GATAD2B: variants seen among roughly 807,000 people sequenced by gnomAD.
The protein encoded by GATAD2B is GATA zinc finger domain containing 2B.
In GATAD2B, 8 loss-of-function variants were observed where a neutral mutation model predicts 64.3. The ratio of observed to expected loss-of-function variants is 0.12; its 90% CI spans 0.07 to 0.22. The LOEUF (loss-of-function observed/expected upper bound fraction) is 0.22, where lower values mean the gene tolerates loss of function less well. GATAD2B is among the 10% of genes least tolerant of loss of function. GATAD2B has a pLI of 1.00. For missense variants in GATAD2B, 453 were observed against 752.0 expected (o/e 0.60, Z 4.65); for synonymous variants, 281 against 271.3 (o/e 1.04, Z -0.35).
chr1:153,838,002 G>A (rs548079849), intron 1 of GATAD2B, among the ~76,000 whole-genome samples: 2 of 152,152 alleles, frequency 1.3e-5, no homozygotes, highest in Admixed American at 6.5e-5. Flanking sequence ...CTCCATTCCA[G>A]TTGGAGAAGA....
intron 2 of GATAD2B, 79 bp from the exon 3 acceptor site, chr1:153,819,814 G>A: frequency 7.4e-7 from 1 of 1,346,606 alleles, no homozygotes; most frequent in Non-Finnish European, 1.0e-6. Context: ...AAAATCCAAG[G>A]GGGGCCGGGT....
chr1:153,917,399 CTT>C (rs1368509368), intron 1 of GATAD2B, among the ~76,000 whole-genome samples: 8 of 119,710 alleles, frequency 6.7e-5, no homozygotes, highest in Non-Finnish European at 7.0e-5. Flanking sequence ...CCCCACATAT[CTT>C]TTTTTTTTTT....
chr1:153,886,322 A>G (rs1220580849), intron 1 of GATAD2B: 1 of 152,204 alleles, frequency 6.6e-6, no homozygotes, highest in Non-Finnish European at 1.5e-5. Flanking sequence ...AAACCTATAT[A>G]GTATAGTCTG....
At chr1:153,839,108 CAAAAAAAAAAAAAAAAAA>C (rs35262137) in intron 1 of GATAD2B, among the ~76,000 whole-genome samples, 2 of 78,574 alleles carry the variant, frequency 2.5e-5, no homozygotes, top group Non-Finnish European at 4.4e-5. Context: ...GACCCTGTCT[CAAAAAAAAAAAAAAAAAA>C]AAAAAAAAGA....
At chr1:153,873,851 A>G (rs1676743828) in intron 1 of GATAD2B, among the ~76,000 whole-genome samples, 1 of 152,256 alleles carries the variant, frequency 6.6e-6, no homozygotes, top group African/African-American at 2.4e-5. Flanking sequence ...TGAGAGGCTG[A>G]GGCAGGAGGA....
rs112383364 is a variant in GATAD2B, at chr1:153,916,050, T to C, written c.-2+6683A>G. On this transcript the variant is annotated intron_variant, in intron 1 of 10. Transcript: ENST00000368655. ...ATCCCAGTACTTTGGGAGGCCCAGG[T>C]GGGCGGATCACTTGAGGTCAGGAGT... 1.9e-3 allele frequency among the ~76,000 whole-genome samples: 289 copies of C among 151,868 alleles called. 1 individual carries two copies. The highest frequency in any genetic ancestry group is 6.7e-3 in the African/African-American group (279 of 41,456).
intron 1 of GATAD2B, among the ~76,000 whole-genome samples, chr1:153,917,053 C>A (rs957870851): frequency 1.4e-5 from 2 of 147,130 alleles, no homozygotes; most frequent in Non-Finnish European, 3.0e-5. Flanking sequence ...TGATCTACCC[C>A]CCTCGGCCTC....
At chr1:153,886,350 A>G (rs777371557) in intron 1 of GATAD2B, 6 of 152,148 alleles carry the variant, frequency 3.9e-5, no homozygotes, top group Non-Finnish European at 5.9e-5. Flanking sequence ...ACTGGCAATT[A>G]TAACACAATG....
chr1:153,880,288 CCT>C (rs1361925099), intron 1 of GATAD2B, among the ~76,000 whole-genome samples: 1 of 151,738 alleles, frequency 6.6e-6, no homozygotes, highest in Non-Finnish European at 1.5e-5. Context: ...ATGGTGAAAC[CCT>C]GTCTCTACTA....
At chr1:153,908,400 A>G (rs1166312901) in intron 1 of GATAD2B, among the ~76,000 whole-genome samples, 12 of 152,232 alleles carry the variant, frequency 7.9e-5, no homozygotes, top group Non-Finnish European at 2.9e-5. Flanking sequence ...TCAGGCACAG[A>G]GAAGTTAAGT....
In GATAD2B at chr1:153,922,933, A is replaced by ACGGCTGCACCGGCGG. The variant is rs1553200943; in HGVS notation, c.-217_-203dup. Reference sequence around the variant, plus strand: ...ACAGACGGGGGCAGCGGCGGCGGCGACGGCTGCACCGGCGGCGGCGGCACC... The same window carrying ACGGCTGCACCGGCGG: ...ACAGACGGGGGCAGCGGCGGCGGCGACGGCTGCACCGGCGGCGGCTGCACCGGCGGCGGCGGCACC... On this transcript the variant is annotated 5_prime_UTR_variant, in exon 1 of 11. Coordinates refer to ENST00000368655, the MANE Select transcript of GATAD2B (RefSeq NM_020699.4). The ACGGCTGCACCGGCGG allele has an allele frequency of 1.9e-5, 3 of 155,912 alleles. No individual in the cohort carries two copies. The highest frequency in any genetic ancestry group is 7.2e-5 in the African/African-American group (3 of 41,388). The allele number at this position is 155,912 out of a possible 1,614,324, so 9.7% of individuals were successfully genotyped here. A position where few individuals can be genotyped will look rare whatever the true frequency, so the allele number is the denominator to read the frequency against.
At chr1:153,876,753 A>C (rs1676848565) in intron 1 of GATAD2B, among the ~76,000 whole-genome samples, 1 of 152,214 alleles carries the variant, frequency 6.6e-6, no homozygotes, top group Admixed American at 6.5e-5. Flanking sequence ...CTATAATCCC[A>C]ATACTTTGGG....
intron 1 of GATAD2B, among the ~76,000 whole-genome samples, chr1:153,907,192 G>C (rs1167425077): frequency 1.3e-5 from 2 of 152,224 alleles, no homozygotes; most frequent in Non-Finnish European, 2.9e-5. Flanking sequence ...GACTCAAGCA[G>C]ATATCTGCCC....
chr1:153,812,161 G>T, intron 8 of GATAD2B, 29 bp from the exon 9 acceptor site: 2 of 1,161,832 alleles, frequency 1.7e-6, no homozygotes. Context: ...TCAGGTGATT[G>T]AGCAGGACAG....
chr1:153,908,796 A>AG lies in GATAD2B; in HGVS notation c.-2+13936_-2+13937insC, dbSNP rs1220771052. Among the ~76,000 whole-genome samples, 8 of 150,752 alleles carry AG rather than the reference A, an allele frequency of 5.3e-5. No homozygotes were observed. The East Asian group carries it at 1.4e-3, about 26-fold the overall frequency. The stretch of plus-strand genomic sequence containing the variant: ...AAACATACTTGGAAAAAAAAAAAAA[A>AG]AAAAAAGAAAGAAAGAAAGAAACAA... On this transcript the variant is annotated intron_variant, in intron 1 of 10. Coordinates refer to ENST00000368655, the MANE Select transcript of GATAD2B (RefSeq NM_020699.4).
At chr1:153,814,172 T>G (rs1674380096) in intron 7 of GATAD2B, among the ~76,000 whole-genome samples, 1 of 152,254 alleles carries the variant, frequency 6.6e-6, no homozygotes, top group African/African-American at 2.4e-5. Context: ...CATTTATAGT[T>G]TTAAATAGTT....
chr1:153,822,566 G>A (rs1176821318), intron 2 of GATAD2B, among the ~76,000 whole-genome samples: 1 of 152,162 alleles, frequency 6.6e-6, no homozygotes, highest in Non-Finnish European at 1.5e-5. Flanking sequence ...GGGCTGGAGG[G>A]CAATGGTGCA....
In GATAD2B at chr1:153,828,299, T is replaced by G; in HGVS notation, c.49A>C (p.Ser17Arg). 6.2e-7 allele frequency: 1 copy of G among 1,613,300 alleles called. No homozygotes were observed. Among genetic ancestry groups the G allele is most frequent in the Non-Finnish European group, 8.5e-7 (1 of 1,180,010 alleles). ...TCTCGCTCATCTGCTGGGTCCAAGC[T>G]CCGCTTCAACAGATTCAAGCGAAGA... ...DALRLNLLKR[S>R]LDPADERDDV... The change falls in exon 2 of 11, where the codon AGC (serine) becomes CGC (arginine). Residue 17 changes from serine (S) to arginine (R), a missense_variant. Physicochemically the swap from Ser to Arg is moderately radical, Grantham distance 110. This residue lies in a region of GATAD2B where 293 missense variants were observed against 417.2 expected (regional missense o/e 0.70). Coordinates refer to ENST00000368655, the MANE Select transcript of GATAD2B (RefSeq NM_020699.4).
chr1:153,856,903 T>C (rs1676099728), intron 1 of GATAD2B, among the ~76,000 whole-genome samples: 1 of 152,078 alleles, frequency 6.6e-6, no homozygotes, highest in African/African-American at 2.4e-5. Flanking sequence ...ATACTATGGA[T>C]ATGGTTACTT....
Sources: gnomAD v4.1 joint callset for allele counts (sites outside exome capture counted in the v4.1 genomes callset) on GRCh38, gnomAD v4.1.1 for gene constraint, gnomAD v4.1.1 regional missense constraint, MANE v1.5 for transcripts, NCBI Gene and HGNC (gene_info 2026-07-23, HGNC 2026-07-21) for gene names.